The following TFPI variants were observed in gnomAD, a reference collection of about 807,000 sequenced individuals.
TFPI encodes the protein tissue factor pathway inhibitor.
A neutral mutation model predicts 34.6 loss-of-function variants in TFPI; 15 were observed. The ratio of observed to expected loss-of-function variants is 0.43; its 90% CI spans 0.29 to 0.67. The LOEUF (loss-of-function observed/expected upper bound fraction) is 0.67. TFPI is among the 30% of genes least tolerant of loss of function. The probability of loss-of-function intolerance (pLI) is 0.15; values close to 1 mark genes in which losing one functional copy is unlikely to be tolerated. For missense variants in TFPI, 301 were observed against 364.0 expected (o/e 0.83, Z 1.41); for synonymous variants, 105 against 120.1 (o/e 0.87, Z 0.82).
At chr2:187,514,924 T>C (rs1686890820) in intron 1 of TFPI, 1 of 152,202 alleles carries the variant, frequency 6.6e-6, no homozygotes, top group South Asian at 2.1e-4. Context: ...TTGGATAAAC[T>C]ACATCTATTA....
chr2:187,533,343 C>A (rs1688070627), intron 1 of TFPI, among the ~76,000 whole-genome samples: 1 of 152,144 alleles, frequency 6.6e-6, no homozygotes, highest in East Asian at 1.9e-4. Flanking sequence ...GGGTTCCCCT[C>A]TGGGATGAGG....
chr2:187,525,967 T>A (rs1199230315), intron 1 of TFPI, among the ~76,000 whole-genome samples: 1 of 152,152 alleles, frequency 6.6e-6, no homozygotes, highest in Non-Finnish European at 1.5e-5. Context: ...CCTATTTGTC[T>A]CTATTTACTT....
rs984856657 is a variant in TFPI, at chr2:187,526,705, T to C, written c.-2-22935A>G. 2.0e-5 allele frequency: 3 copies of C among 152,166 alleles called. No homozygotes were observed. In the East Asian group the frequency reaches 5.8e-4, roughly 29 times the overall value. The allele number at this position is 152,166 out of a possible 1,614,324, so 9.4% of individuals were successfully genotyped here. A position where few individuals can be genotyped will look rare whatever the true frequency, so the allele number is the denominator to read the frequency against. Reference sequence around the variant, plus strand: ...ATGGTACTTATCTAAAGTTTCTAGTTCAGATTTTTCTCTTTATTACATATT... The same window carrying C: ...ATGGTACTTATCTAAAGTTTCTAGTCCAGATTTTTCTCTTTATTACATATT... On this transcript the variant is annotated intron_variant, in intron 1 of 7. Transcript: ENST00000233156.
At chr2:187,472,845 C>T (rs553560176) in intron 6 of TFPI, among the ~76,000 whole-genome samples, 1 of 152,018 alleles carries the variant, frequency 6.6e-6, no homozygotes, top group South Asian at 2.1e-4. Flanking sequence ...AACCCTGTCT[C>T]TACTAAGAAT....
intron 1 of TFPI, among the ~76,000 whole-genome samples, chr2:187,506,326 C>T (rs1686218007): frequency 6.6e-6 from 1 of 151,860 alleles, no homozygotes; most frequent in Admixed American, 6.6e-5. Flanking sequence ...AAAAAATTGA[C>T]CCCATTATTT....
intron 1 of TFPI, among the ~76,000 whole-genome samples, chr2:187,531,407 T>C (rs749815750): frequency 8.5e-5 from 13 of 152,212 alleles, no homozygotes; most frequent in Non-Finnish European, 1.9e-4. Context: ...GTGATGTATT[T>C]TATCAGCACC....
chr2:187,469,212 A>T (rs1382223010), intron 6 of TFPI, among the ~76,000 whole-genome samples: 2 of 152,106 alleles, frequency 1.3e-5, no homozygotes, highest in Admixed American at 1.3e-4. Flanking sequence ...GGGAAATATG[A>T]GAGGGAATGA....
Position 187,500,838 on chromosome 2 carries a change from C to T in TFPI, c.121+2810G>A, listed in dbSNP as rs189098665. Among the ~76,000 whole-genome samples the T allele has an allele frequency of 4.1e-3, 629 of 152,284 alleles. 1 individual carries two copies. Among genetic ancestry groups the T allele is most frequent in the African/African-American group, 9.1e-3 (377 of 41,568 alleles). On this transcript the variant is annotated intron_variant, in intron 2 of 7. Transcript: ENST00000233156. ...CACTTCACCCAAAAGGGATGGAAAT[C>T]TGCCTCGGTTTTCATTTCTTATTTT...
At chr2:187,491,662 A>G (rs1285364746) in intron 3 of TFPI, among the ~76,000 whole-genome samples, 3 of 152,148 alleles carry the variant, frequency 2.0e-5, no homozygotes, top group African/African-American at 4.8e-5. Flanking sequence ...TGTGCTAAAC[A>G]TACAAGTACA....
intron 1 of TFPI, among the ~76,000 whole-genome samples, chr2:187,532,162 G>A (rs1687990420): frequency 6.6e-6 from 1 of 152,156 alleles, no homozygotes; most frequent in Admixed American, 6.5e-5. Context: ...ATGTTAATAT[G>A]TATAAGTGTG....
intron 1 of TFPI, among the ~76,000 whole-genome samples, chr2:187,540,046 C>T (rs1369584755): frequency 6.6e-6 from 1 of 151,994 alleles, no homozygotes; most frequent in Non-Finnish European, 1.5e-5. Context: ...AGGCGCCCAC[C>T]ACCACGCCTG....
At chr2:187,537,680 G>A (rs531373456) in intron 1 of TFPI, among the ~76,000 whole-genome samples, 7 of 152,190 alleles carry the variant, frequency 4.6e-5, no homozygotes, top group South Asian at 2.1e-4. Context: ...AGGCATGGCC[G>A]AAGACTTCAT....
At chr2:187,467,180 T>C (rs1166613225) in intron 7 of TFPI, 138 bp from the exon 8 acceptor site, 3 of 570,718 alleles carry the variant, frequency 5.3e-6, no homozygotes, top group Non-Finnish European at 8.8e-6. Flanking sequence ...TTTGTCCATG[T>C]ATTCGTGTAG....
intron 3 of TFPI, among the ~76,000 whole-genome samples, chr2:187,490,148 T>C (rs963627598): frequency 9.2e-5 from 14 of 151,664 alleles, no homozygotes; most frequent in South Asian, 4.1e-4. Flanking sequence ...AACTGACTTA[T>C]TTATTTTTGC....
At chr2:187,503,921 TC>T (rs1686023250) in intron 1 of TFPI, among the ~76,000 whole-genome samples, 151 bp from the exon 2 acceptor site, 1 of 152,104 alleles carries the variant, frequency 6.6e-6, no homozygotes, top group Non-Finnish European at 1.5e-5. Context: ...ACTCAATGAG[TC>T]ATACTTAAAA....
At chr2:187,513,185 A>G (rs1323683797) in intron 1 of TFPI, among the ~76,000 whole-genome samples, 1 of 152,184 alleles carries the variant, frequency 6.6e-6, no homozygotes, top group Non-Finnish European at 1.5e-5. Flanking sequence ...TCTGTGTGTA[A>G]ACATATTAGC....
At position 187,466,813 on chromosome 2, in the gene TFPI, A is replaced by G. The variant is rs1691737762; in HGVS notation, c.*123T>C. On this transcript the variant is annotated 3_prime_UTR_variant, in exon 8 of 8. Transcript: ENST00000233156. ...TACAAACGTGTTGATAACAAGTACA[A>G]TAAGCATAGAAAATTTAATGAACAT... 1.8e-6 allele frequency: 1 copy of G among 542,642 alleles called. No individual in the cohort carries two copies. Among genetic ancestry groups the G allele is most frequent in the South Asian group, 2.5e-5 (1 of 40,736 alleles). The allele number at this position is 542,642 out of a possible 1,614,324, so 33.6% of individuals were successfully genotyped here.
At chr2:187,500,832 G>A (rs1665406882) in intron 2 of TFPI, among the ~76,000 whole-genome samples, 1 of 152,142 alleles carries the variant, frequency 6.6e-6, no homozygotes, top group Non-Finnish European at 1.5e-5. Flanking sequence ...CAAAAGGGAT[G>A]GAAATCTGCC....
rs966234327 is a variant in TFPI, at chr2:187,466,453, G to C, written c.*483C>G. On this transcript the variant is annotated 3_prime_UTR_variant, in exon 8 of 8. Coordinates refer to ENST00000233156, the MANE Select transcript of TFPI (RefSeq NM_006287.6). The stretch of plus-strand genomic sequence containing the variant: ...ATAATAGAATTCTATTATTACAATA[G>C]AATACTATAAATACAAAATTGGATA... 6.5e-6 allele frequency: 1 copy of C among 153,184 alleles called. No individual in the cohort carries two copies. Among genetic ancestry groups the C allele is most frequent in the Non-Finnish European group, 1.5e-5 (1 of 68,906 alleles). 9.5% of individuals were successfully genotyped at this position (153,184 alleles called of 1,614,324 possible).
Sources: gnomAD v4.1 joint callset for allele counts (sites outside exome capture counted in the v4.1 genomes callset) on GRCh38, gnomAD v4.1.1 for gene constraint, MANE v1.5 for transcripts, NCBI Gene and HGNC (gene_info 2026-07-23, HGNC 2026-07-21) for gene names.